Variants in RBFOX2 observed in about 807,000 individuals in gnomAD.
The protein encoded by RBFOX2 is RNA binding fox-1 homolog 2, also known as RNA binding protein fox-1 homolog 2.
Under a neutral mutation model 49.1 loss-of-function variants are expected in RBFOX2, and 10 were observed. The observed-to-expected ratio is 0.20, with a 90% CI of 0.13 to 0.35. The LOEUF is 0.35. Ranked by LOEUF, RBFOX2 falls within the 10% of genes least tolerant of loss-of-function variation. The pLI, the probability that RBFOX2 is intolerant of heterozygous loss-of-function variation, is 1.00. For missense variants in RBFOX2, 323 were observed against 486.9 expected (o/e 0.66, Z 3.17); for synonymous variants, 183 against 187.4 (o/e 0.98, Z 0.19).
At chr22:35,878,215 G>A (rs548337623) in intron 1 of RBFOX2, among the ~76,000 whole-genome samples, 14 of 152,018 alleles carry the variant, frequency 9.2e-5, no homozygotes, top group South Asian at 6.2e-4. Context: ...TGGCGAACAC[G>A]GTGAAACCCT....
At chr22:35,890,931 A>G (rs922866913) in intron 1 of RBFOX2, among the ~76,000 whole-genome samples, 2 of 151,982 alleles carry the variant, frequency 1.3e-5, no homozygotes, top group Admixed American at 1.3e-4. Context: ...ATACTCTCTC[A>G]TGGTTGCTTT....
At chr22:35,791,719 C>T (rs1947701778) in intron 2 of RBFOX2, among the ~76,000 whole-genome samples, 1 of 152,210 alleles carries the variant, frequency 6.6e-6, no homozygotes, top group South Asian at 2.1e-4. Flanking sequence ...TCATCTCCTA[C>T]TGCACTCTCT....
At chr22:35,882,938 C>T (rs557494045) in intron 1 of RBFOX2, among the ~76,000 whole-genome samples, 2 of 152,292 alleles carry the variant, frequency 1.3e-5, no homozygotes, top group African/African-American at 2.4e-5. Context: ...AAAATCCTTG[C>T]AATCACTAAA....
chr22:35,853,334 T>C lies in RBFOX2; in HGVS notation c.-33-43330A>G, dbSNP rs2042152968. On this transcript the variant is annotated intron_variant, in intron 1 of 13. Coordinates refer to the RBFOX2 transcript ENST00000359369. ...GAAAGAAAGAAAAATATTATGTTGTTTAATAATGTGTTATAGTTCTATATT... is the reference window on the plus strand; with the variant it reads ...GAAAGAAAGAAAAATATTATGTTGTCTAATAATGTGTTATAGTTCTATATT... Among the ~76,000 whole-genome samples the C allele has an allele frequency of 2.0e-5, 3 of 151,780 alleles. No individual in the cohort carries two copies. The South Asian group carries it at 6.2e-4, about 32-fold the overall frequency.
chr22:35,967,687 A>G (rs1018741599), intron 1 of RBFOX2, among the ~76,000 whole-genome samples: 1 of 152,188 alleles, frequency 6.6e-6, no homozygotes. Flanking sequence ...TTGGAGCCCA[A>G]AAATAATAAA....
intron 1 of RBFOX2, among the ~76,000 whole-genome samples, chr22:35,919,924 T>C (rs777531390): frequency 6.6e-5 from 10 of 152,242 alleles, no homozygotes; most frequent in Non-Finnish European, 7.3e-5. Context: ...AGTTTTGTTT[T>C]GTTCTTCAAG....
intron 1 of RBFOX2, among the ~76,000 whole-genome samples, chr22:36,007,586 T>C (rs1464411260): frequency 6.6e-6 from 1 of 152,202 alleles, no homozygotes; most frequent in Non-Finnish European, 1.5e-5. Context: ...GAACAAAAGG[T>C]ATACAATTAA....
chr22:35,938,733 G>A, intron 1 of RBFOX2, 114 bp downstream of exon 2: 1 of 986,114 alleles, frequency 1.0e-6, no homozygotes, highest in Non-Finnish European at 1.6e-6. Context: ...GCTGAAACAA[G>A]CCACATTTCC....
intron 4 of RBFOX2, among the ~76,000 whole-genome samples, chr22:35,776,881 CT>C (rs60841537): frequency 0.021 from 3,030 of 145,158 alleles, 40 homozygotes; most frequent in Non-Finnish European, 0.034. Context: ...TCATCAAATA[CT>C]TTTTTTTTTT....
exon 12 of RBFOX2, chr22:35,739,251 C>G (rs1427563765): frequency 6.6e-6 from 1 of 152,500 alleles, no homozygotes; most frequent in African/African-American, 2.4e-5. Flanking sequence ...TAGGGATGGT[C>G]CGGTCCCTGC....
At chr22:35,908,680 A>G (rs1391575591) in intron 1 of RBFOX2, among the ~76,000 whole-genome samples, 1 of 152,116 alleles carries the variant, frequency 6.6e-6, no homozygotes, top group African/African-American at 2.4e-5. Flanking sequence ...AGAGCAATAT[A>G]TACTATTGTT....
At chr22:35,959,957 C>T (rs1234548117) in intron 1 of RBFOX2, among the ~76,000 whole-genome samples, 1 of 152,166 alleles carries the variant, frequency 6.6e-6, no homozygotes, top group Non-Finnish European at 1.5e-5. Context: ...ATACCTAATA[C>T]AGTGTAAATG....
At chr22:35,885,879 C>CA (rs1308757851) in intron 1 of RBFOX2, among the ~76,000 whole-genome samples, 1 of 87,782 alleles carries the variant, frequency 1.1e-5, no homozygotes, top group African/African-American at 4.9e-5. Flanking sequence ...TTTTTTGAGA[C>CA]AGAGTCTCAC....
intron 1 of RBFOX2, among the ~76,000 whole-genome samples, chr22:35,957,878 C>T (rs2055762582): frequency 6.6e-6 from 1 of 152,170 alleles, no homozygotes; most frequent in South Asian, 2.1e-4. Flanking sequence ...TGATAACCAC[C>T]AACAAATCAG....
At position 35,805,134 on chromosome 22, in the gene RBFOX2, C is replaced by CA. The variant is rs1415115483; in HGVS notation, c.252+4645dup. On this transcript the variant is annotated intron_variant, in intron 2 of 11. Transcript: ENST00000405409. ...AACCCCGTCTCTACTAAAAAAAACACAAAAAATTAGCCGGGCGTGGTGGCG... is the reference window on the plus strand; with the variant it reads ...AACCCCGTCTCTACTAAAAAAAACACAAAAAAATTAGCCGGGCGTGGTGGCG... Among the ~76,000 whole-genome samples, 8 of 151,364 alleles carry CA rather than the reference C, an allele frequency of 5.3e-5. No homozygotes were observed. The South Asian group carries it at 6.3e-4, about 12-fold the overall frequency.
chr22:35,822,704 T>C (rs1442434086), intron 1 of RBFOX2: 3 of 378,106 alleles, frequency 7.9e-6, no homozygotes, highest in Non-Finnish European at 1.0e-5. Context: ...TCCCCCTAAA[T>C]ATGAGACTAA....
intron 1 of RBFOX2, among the ~76,000 whole-genome samples, chr22:35,902,382 G>A (rs1300170710): frequency 6.6e-6 from 1 of 152,054 alleles, no homozygotes; most frequent in Non-Finnish European, 1.5e-5. Flanking sequence ...CTCCAATCCT[G>A]GTTAAATCCA....
intron 9 of RBFOX2, among the ~76,000 whole-genome samples, chr22:35,753,819 G>A (rs1365301410): frequency 9.0e-6 from 1 of 110,834 alleles, no homozygotes; most frequent in Non-Finnish European, 1.7e-5. Context: ...GTCTAGCTCT[G>A]TCAGCCAGGC....
chr22:36,011,602 G>GAA (rs1323218300), intron 1 of RBFOX2, among the ~76,000 whole-genome samples: 1 of 152,018 alleles, frequency 6.6e-6, no homozygotes, highest in African/African-American at 2.4e-5. Context: ...ATATTACGTA[G>GAA]GCACTGTCTC....
Sources: allele counts gnomAD v4.1 joint callset (sites outside exome capture counted in the v4.1 genomes callset), GRCh38; gene constraint gnomAD v4.1.1; transcripts MANE v1.5; gene names NCBI Gene and HGNC (gene_info 2026-07-23, HGNC 2026-07-21).